PTPRD: variants seen among roughly 807,000 people sequenced by gnomAD.
The protein encoded by PTPRD is receptor-type tyrosine-protein phosphatase delta.
PTPRD carries 34 observed loss-of-function variants against 214.5 expected under a neutral mutation model. The observed-to-expected ratio is 0.16, with a 90% CI of 0.12 to 0.21. The LOEUF is 0.21. Among genes scored for constraint, PTPRD ranks in the 10% least tolerant of loss-of-function variants. PTPRD has a pLI of 1.00. For missense variants in PTPRD, 2,545 were observed against 2,398.7 expected (o/e 1.06, Z -1.27); for synonymous variants, 1,128 against 845.7 (o/e 1.33, Z -5.79).
intron 6 of PTPRD, among the ~76,000 whole-genome samples, chr9:9,736,226 T>A (rs1443584286): frequency 1.3e-5 from 2 of 152,110 alleles, no homozygotes; most frequent in African/African-American, 2.4e-5. Context: ...AGTATCTGGA[T>A]TTTTTGTCCA....
At chr9:8,564,266 C>T (rs1490873529) in intron 14 of PTPRD, among the ~76,000 whole-genome samples, 1 of 152,072 alleles carries the variant, frequency 6.6e-6, no homozygotes, top group African/African-American at 2.4e-5. Flanking sequence ...GTGGGTTTGA[C>T]ATATTAAACG....
Position 10,261,076 on chromosome 9 carries a change from T to C in PTPRD, c.-545+79887A>G, listed in dbSNP as rs545258617. On this transcript the variant is annotated intron_variant, in intron 3 of 45. Coordinates refer to ENST00000381196, the MANE Select transcript of PTPRD (RefSeq NM_002839.4). ...TATATGTGTATATATATTATATATATGTGTGTATATATATATATATAGAGA... is the reference window on the plus strand; with the variant it reads ...TATATGTGTATATATATTATATATACGTGTGTATATATATATATATAGAGA... 1.4e-3 allele frequency among the ~76,000 whole-genome samples: 158 copies of C among 114,274 alleles called. 1 individual carries two copies. The highest frequency in any genetic ancestry group is 6.4e-3 in the African/African-American group (151 of 23,764). The allele number at this position is 114,274 out of a possible 152,430, so 75.0% of individuals were successfully genotyped here. A position where few individuals can be genotyped will look rare whatever the true frequency, so the allele number is the denominator to read the frequency against.
chr9:10,336,630 G>C (rs1351599788), intron 3 of PTPRD, among the ~76,000 whole-genome samples: 1 of 151,318 alleles, frequency 6.6e-6, no homozygotes, highest in Admixed American at 6.6e-5. Context: ...TTAGGTCTAG[G>C]TAATATTTAT....
chr9:9,074,864 T>C (rs970083345), intron 10 of PTPRD, among the ~76,000 whole-genome samples: 1 of 151,700 alleles, frequency 6.6e-6, no homozygotes, highest in Admixed American at 6.6e-5. Flanking sequence ...GGTTTCATTC[T>C]GAGGAAAAGA....
chr9:8,533,149 A>C (rs752846726), intron 14 of PTPRD, among the ~76,000 whole-genome samples: 2 of 152,026 alleles, frequency 1.3e-5, no homozygotes, highest in African/African-American at 2.4e-5. Context: ...TCTTACTTTC[A>C]CTCCACTTTC....
intron 12 of PTPRD, among the ~76,000 whole-genome samples, chr9:8,664,598 A>G (rs927277671): frequency 6.6e-6 from 1 of 152,190 alleles, no homozygotes; most frequent in African/African-American, 2.4e-5. Context: ...TTTCCTAGTG[A>G]GCAGAGACCA....
intron 3 of PTPRD, among the ~76,000 whole-genome samples, chr9:10,119,066 G>T (rs184481478): frequency 1.3e-5 from 2 of 151,770 alleles, no homozygotes; most frequent in African/African-American, 4.8e-5. Flanking sequence ...TACAACAAAC[G>T]TAGAGTTCCA....
chr9:8,857,036 G>A (rs1206277796), intron 11 of PTPRD, among the ~76,000 whole-genome samples: 2 of 152,168 alleles, frequency 1.3e-5, no homozygotes, highest in Non-Finnish European at 2.9e-5. Context: ...CCTACGGAAT[G>A]AATGTGTGTG....
intron 5 of PTPRD, among the ~76,000 whole-genome samples, chr9:9,840,366 A>G (rs78449893): frequency 1.3e-5 from 2 of 152,094 alleles, no homozygotes; most frequent in East Asian, 1.9e-4. Context: ...ATTTAATCAG[A>G]TTTGAAAAAT....
intron 11 of PTPRD, among the ~76,000 whole-genome samples, chr9:8,988,148 T>A (rs2099352909): frequency 6.6e-6 from 1 of 151,988 alleles, no homozygotes; most frequent in African/African-American, 2.4e-5. Flanking sequence ...GTAGTTGTAG[T>A]TCATATTATA....
intron 3 of PTPRD, among the ~76,000 whole-genome samples, chr9:10,047,349 T>C (rs1377268230): frequency 1.3e-5 from 2 of 150,504 alleles, no homozygotes; most frequent in Non-Finnish European, 3.0e-5. Flanking sequence ...CGTGTGTGTG[T>C]GTGCTTGTGT....
At chr9:8,893,171 C>G (rs73422015) in intron 11 of PTPRD, among the ~76,000 whole-genome samples, 1 of 151,774 alleles carries the variant, frequency 6.6e-6, no homozygotes, top group African/African-American at 2.4e-5. Flanking sequence ...CAAATAGGAA[C>G]GGACCAAGAG....
At chr9:10,610,400 TCTA>T (rs1591960189) in intron 2 of PTPRD, among the ~76,000 whole-genome samples, 1 of 152,206 alleles carries the variant, frequency 6.6e-6, no homozygotes, top group Non-Finnish European at 1.5e-5. Flanking sequence ...TCATGTCTTC[TCTA>T]CTGTGTAAAA....
intron 10 of PTPRD, among the ~76,000 whole-genome samples, chr9:9,121,201 T>C (rs141538814): frequency 1.0e-3 from 154 of 152,278 alleles, no homozygotes; most frequent in Middle Eastern, 3.4e-3. Context: ...CAAAAAGTAT[T>C]TTTATTTGAA....
At chr9:10,000,419 C>T (rs2096278063) in intron 4 of PTPRD, among the ~76,000 whole-genome samples, 1 of 152,104 alleles carries the variant, frequency 6.6e-6, no homozygotes, top group Non-Finnish European at 1.5e-5. Context: ...CAGAGCCCCA[C>T]ATGGACAAGC....
chr9:9,708,707 C>T (rs1215143492), intron 7 of PTPRD, among the ~76,000 whole-genome samples: 1 of 151,850 alleles, frequency 6.6e-6, no homozygotes, highest in Non-Finnish European at 1.5e-5. Context: ...TAAGTCTATA[C>T]CCGTCAGATA....
intron 11 of PTPRD, among the ~76,000 whole-genome samples, chr9:8,902,094 C>A (rs2098673592): frequency 6.6e-6 from 1 of 151,964 alleles, no homozygotes; most frequent in Non-Finnish European, 1.5e-5. Flanking sequence ...ATTTATGAGT[C>A]TATTACTGTA....
rs540528955 is a variant in PTPRD, at chr9:9,585,103, T to A, written c.-286-10322A>T. Among the ~76,000 whole-genome samples, 3 of 152,180 alleles carry A rather than the reference T, an allele frequency of 2.0e-5. No homozygotes were observed. The South Asian group carries it at 6.2e-4, about 32-fold the overall frequency. The stretch of plus-strand genomic sequence containing the variant: ...GCCTTCTAGTTTTGGATTATTATCA[T>A]TTTTGTTTCATTATGTTTTTATGTT... On this transcript the variant is annotated intron_variant, in intron 7 of 45. Transcript: ENST00000381196.
intron 9 of PTPRD, among the ~76,000 whole-genome samples, chr9:9,194,368 G>A (rs371268099): frequency 2.2e-4 from 34 of 152,152 alleles, no homozygotes; most frequent in African/African-American, 5.8e-4. Flanking sequence ...TAACATAGTC[G>A]TTTATTATCA....
Sources: gnomAD v4.1 joint callset for allele counts (sites outside exome capture counted in the v4.1 genomes callset) on GRCh38, gnomAD v4.1.1 for gene constraint, MANE v1.5 for transcripts, NCBI Gene and HGNC (gene_info 2026-07-23, HGNC 2026-07-21) for gene names.